AP3B1: variants seen among roughly 807,000 people sequenced by gnomAD.
AP3B1 encodes the protein AP-3 complex subunit beta-1.
In AP3B1, 61 loss-of-function variants were observed where a neutral mutation model predicts 132.5. The observed-to-expected ratio is 0.46, with a 90% CI of 0.37 to 0.57. The LOEUF (loss-of-function observed/expected upper bound fraction) is 0.57. Ranked by LOEUF, AP3B1 falls within the 20% of genes least tolerant of loss-of-function variation. The probability of loss-of-function intolerance (pLI) is 0.00; values close to 1 mark genes in which losing one functional copy is unlikely to be tolerated. For synonymous variants in AP3B1, 388 were observed against 438.3 expected (o/e 0.89, Z 1.43); for missense variants, 1,120 against 1,289.4 (o/e 0.87, Z 2.01).
At chr5:78,109,864 A>C (rs770183036) in intron 20 of AP3B1, among the ~76,000 whole-genome samples, 19 of 152,164 alleles carry the variant, frequency 1.2e-4, no homozygotes, top group Non-Finnish European at 2.8e-4. Flanking sequence ...AATGCCCAAT[A>C]TTTTTAAAAA....
At chr5:78,251,417 G>A (rs984536600) in intron 2 of AP3B1, among the ~76,000 whole-genome samples, 2 of 152,206 alleles carry the variant, frequency 1.3e-5, no homozygotes, top group African/African-American at 4.8e-5. Flanking sequence ...ACTGAAAGAA[G>A]CACAGAAGAG....
At chr5:78,178,009 C>A (rs2112406877) in intron 8 of AP3B1, among the ~76,000 whole-genome samples, 1 of 151,998 alleles carries the variant, frequency 6.6e-6, no homozygotes, top group South Asian at 2.1e-4. Flanking sequence ...AGAATACATC[C>A]TCAGAAAAAA....
chr5:78,113,894 G>C lies in AP3B1; in HGVS notation c.2107C>G (p.Gln703Glu). 2 of 1,614,052 alleles carry C rather than the reference G, an allele frequency of 1.2e-6. No homozygotes were observed. Among genetic ancestry groups the C allele is most frequent in the Non-Finnish European group, 1.7e-6 (2 of 1,180,022 alleles). The change falls in exon 19 of 27, where the codon CAA (glutamine) becomes GAA (glutamate). Residue 703 changes from glutamine (Q) to glutamate (E), a missense_variant. Coordinates refer to ENST00000255194, the MANE Select transcript of AP3B1 (RefSeq NM_003664.5). ...ESESGSESGEQGESGEEGDSN... is the reference protein window; with the variant it reads ...ESESGSESGEEGESGEEGDSN... ...TCTCCTTCCTCCCCACTTTCGCCTT[G>C]TTCTCCACTTTCACTTCCAGATTCA...
intron 22 of AP3B1, among the ~76,000 whole-genome samples, chr5:78,055,408 G>A (rs75264128): frequency 6.6e-6 from 1 of 152,328 alleles, no homozygotes; most frequent in African/African-American, 2.4e-5. Flanking sequence ...TATTTGATGA[G>A]AAGAAAATCA....
chr5:78,116,016 A>C (rs1362488162), intron 18 of AP3B1, 110 bp downstream of exon 18: 1 of 808,910 alleles, frequency 1.2e-6, no homozygotes, highest in East Asian at 2.6e-5. Context: ...TTGATAATAC[A>C]AACTTCACTT....
intron 12 of AP3B1, among the ~76,000 whole-genome samples, chr5:78,163,627 T>C (rs1743485335): frequency 6.8e-6 from 1 of 147,374 alleles, no homozygotes; most frequent in Non-Finnish European, 1.5e-5. Flanking sequence ...ATATATAGTA[T>C]ATATATAGTA....
At chr5:78,068,347 AAAG>A (rs1471977312) in intron 22 of AP3B1, among the ~76,000 whole-genome samples, 1 of 147,222 alleles carries the variant, frequency 6.8e-6, no homozygotes, top group African/African-American at 2.6e-5. Context: ...AAGAAAGCAG[AAAG>A]AAGAAGAAAG....
chr5:78,021,580 T>C (rs958151045), intron 24 of AP3B1, among the ~76,000 whole-genome samples: 1 of 152,150 alleles, frequency 6.6e-6, no homozygotes, highest in African/African-American at 2.4e-5. Flanking sequence ...GTGTGTTTGA[T>C]GGCAAATAAG....
At chr5:78,209,604 T>G (rs1442030366) in intron 7 of AP3B1, among the ~76,000 whole-genome samples, 1 of 152,272 alleles carries the variant, frequency 6.6e-6, no homozygotes, top group African/African-American at 2.4e-5. Context: ...AAGCAAGCTA[T>G]AGCAACCATG....
intron 2 of AP3B1, among the ~76,000 whole-genome samples, chr5:78,267,188 C>T (rs1194360932): frequency 2.0e-5 from 3 of 152,002 alleles, no homozygotes; most frequent in African/African-American, 4.8e-5. Flanking sequence ...TTTAGTATCC[C>T]TCTGTGTAGG....
At chr5:78,179,785 A>C (rs907094971) in intron 8 of AP3B1, among the ~76,000 whole-genome samples, 1 of 151,886 alleles carries the variant, frequency 6.6e-6, no homozygotes, top group African/African-American at 2.4e-5. Flanking sequence ...TACGAGGTTA[A>C]AAAAAAATCT....
chr5:78,193,770 A>ATTTTTTTTTTTTT (rs35190275), intron 7 of AP3B1, among the ~76,000 whole-genome samples: 15 of 67,196 alleles, frequency 2.2e-4, no homozygotes, highest in South Asian at 8.2e-4. Context: ...ATATATATAT[A>ATTTTTTTTTTTTT]TTTTTTTTTT....
At chr5:78,218,195 A>G (rs191950327) in intron 6 of AP3B1, among the ~76,000 whole-genome samples, 1 of 152,222 alleles carries the variant, frequency 6.6e-6, no homozygotes, top group East Asian at 1.9e-4. Flanking sequence ...TACAAGGAAA[A>G]TTAATAATTT....
intron 7 of AP3B1, among the ~76,000 whole-genome samples, chr5:78,205,620 T>TA (rs1299805431): frequency 6.6e-6 from 1 of 152,076 alleles, no homozygotes; most frequent in East Asian, 1.9e-4. Context: ...AAGGAAATGT[T>TA]AAAAAAGCAA....
At chr5:78,125,275 TC>T in intron 17 of AP3B1, among the ~76,000 whole-genome samples, 1 of 152,220 alleles carries the variant, frequency 6.6e-6, no homozygotes, top group Middle Eastern at 3.4e-3. Flanking sequence ...ATATCCTATA[TC>T]CTAGAAATGG....
intron 20 of AP3B1, among the ~76,000 whole-genome samples, chr5:78,102,267 C>T (rs531222077): frequency 5.2e-4 from 79 of 152,098 alleles, no homozygotes; most frequent in Non-Finnish European, 1.1e-3. Flanking sequence ...TAAAATTATA[C>T]ATAGGTAACA....
At chr5:78,097,606 G>C (rs1450468769) in intron 21 of AP3B1, among the ~76,000 whole-genome samples, 1 of 130,042 alleles carries the variant, frequency 7.7e-6, no homozygotes, top group Non-Finnish European at 1.6e-5. Flanking sequence ...GGAGGGAGGT[G>C]GGGGGGTCAG....
At chr5:78,097,660 G>A (rs1307891826) in intron 21 of AP3B1, among the ~76,000 whole-genome samples, 2 of 149,244 alleles carry the variant, frequency 1.3e-5, no homozygotes, top group African/African-American at 4.9e-5. Flanking sequence ...GAGGTGGGGG[G>A]GTCAGCCCCC....
chr5:78,160,901 T>G (rs1182953707), intron 13 of AP3B1, among the ~76,000 whole-genome samples: 3 of 151,982 alleles, frequency 2.0e-5, no homozygotes, highest in Non-Finnish European at 4.4e-5. Flanking sequence ...GTGTAGCATA[T>G]GTGATACAGA....
Sources: gnomAD v4.1 joint callset for allele counts (sites outside exome capture counted in the v4.1 genomes callset) on GRCh38, gnomAD v4.1.1 for gene constraint, MANE v1.5 for transcripts, NCBI Gene and HGNC (gene_info 2026-07-23, HGNC 2026-07-21) for gene names.